The following MNAT1 variants were observed in gnomAD, a reference collection of about 807,000 sequenced individuals.
MNAT1 encodes MNAT1 component of CDK activating kinase, also known as CDK-activating kinase assembly factor MAT1.
A neutral mutation model predicts 42.0 loss-of-function variants in MNAT1; 43 were observed. The observed-to-expected ratio is 1.02, with a 90% CI of 0.80 to 1.32. The LOEUF is 1.32. MNAT1 is among the 40% of genes most tolerant of loss of function. The pLI is 0.00. For synonymous variants in MNAT1, 118 were observed against 120.0 expected (o/e 0.98, Z 0.11); for missense variants, 306 against 350.4 (o/e 0.87, Z 1.01).
chr14:60,839,492 G>T (rs770787400), intron 6 of MNAT1, among the ~76,000 whole-genome samples: 1 of 152,152 alleles, frequency 6.6e-6, no homozygotes, highest in Non-Finnish European at 1.5e-5. Flanking sequence ...CTAGATGTGG[G>T]ATAAAAACTC....
intron 7 of MNAT1, among the ~76,000 whole-genome samples, chr14:60,883,775 A>T (rs1594831082): frequency 1.3e-5 from 2 of 152,062 alleles, no homozygotes; most frequent in South Asian, 4.1e-4. Flanking sequence ...TATAGTTTTC[A>T]TAGTAGAGAT....
At chr14:60,855,316 G>A (rs990877429) in intron 6 of MNAT1, among the ~76,000 whole-genome samples, 2 of 152,010 alleles carry the variant, frequency 1.3e-5, no homozygotes, top group Non-Finnish European at 2.9e-5. Context: ...TTCCAGGGGA[G>A]TGAATGGTTC....
At chr14:60,828,910 T>C (rs2033139498) in intron 6 of MNAT1, among the ~76,000 whole-genome samples, 1 of 151,940 alleles carries the variant, frequency 6.6e-6, no homozygotes, top group Admixed American at 6.6e-5. Context: ...TAGGGCAAGG[T>C]ATGTGGGAAG....
At chr14:60,766,487 G>C (rs2030827398) in intron 1 of MNAT1, among the ~76,000 whole-genome samples, 1 of 152,214 alleles carries the variant, frequency 6.6e-6, no homozygotes, top group African/African-American at 2.4e-5. Context: ...GCCAAGGCCG[G>C]TGGATCATGA....
In MNAT1 at chr14:60,968,755, T is replaced by A; in HGVS notation, c.*406T>A. 3.6e-6 allele frequency: 1 copy of A among 279,974 alleles called. No individual in the cohort carries two copies. Among genetic ancestry groups the A allele is most frequent in the Non-Finnish European group, 6.8e-6 (1 of 146,596 alleles). The allele number at this position is 279,974 out of a possible 1,614,324, so 17.3% of individuals were successfully genotyped here. On this transcript the variant is annotated 3_prime_UTR_variant, in exon 8 of 8. Transcript: ENST00000261245. ...ATACCATTTTGATTACAACATTTAC[T>A]GTTAATATCCAAGTCTATTATTTCT...
At chr14:60,965,630 C>T (rs1248047842) in intron 7 of MNAT1, among the ~76,000 whole-genome samples, 1 of 152,196 alleles carries the variant, frequency 6.6e-6, no homozygotes, top group Non-Finnish European at 1.5e-5. Flanking sequence ...CAGTTAGTTG[C>T]ACAGTGGTTT....
chr14:60,850,781 G>A (rs997249189), intron 6 of MNAT1, among the ~76,000 whole-genome samples: 6 of 152,078 alleles, frequency 3.9e-5, no homozygotes, highest in Non-Finnish European at 8.8e-5. Context: ...ACCAAGAACA[G>A]CAACAAAGTA....
intron 7 of MNAT1, among the ~76,000 whole-genome samples, chr14:60,916,833 G>C (rs942693445): frequency 3.3e-5 from 5 of 151,974 alleles, no homozygotes; most frequent in Non-Finnish European, 7.4e-5. Flanking sequence ...CATGCCAGTA[G>C]TCCCAACTAG....
chr14:60,861,164 T>G (rs991093937), intron 6 of MNAT1, among the ~76,000 whole-genome samples: 2 of 152,200 alleles, frequency 1.3e-5, no homozygotes. Context: ...CATGCTAATT[T>G]ATATCTATTT....
intron 1 of MNAT1, among the ~76,000 whole-genome samples, chr14:60,739,106 T>C (rs956757658): frequency 3.9e-5 from 6 of 152,112 alleles, no homozygotes; most frequent in Admixed American, 1.3e-4. Context: ...CCCCATGGAC[T>C]CTTCCATAGG....
chr14:60,750,619 G>A (rs1413421201), intron 1 of MNAT1, among the ~76,000 whole-genome samples: 1 of 151,006 alleles, frequency 6.6e-6, no homozygotes, highest in African/African-American at 2.4e-5. Context: ...TGTGAAAGTG[G>A]GCTTTATTGT....
At chr14:60,742,797 A>G (rs1896511472) in intron 1 of MNAT1, among the ~76,000 whole-genome samples, 1 of 152,312 alleles carries the variant, frequency 6.6e-6, no homozygotes, top group Middle Eastern at 3.4e-3. Flanking sequence ...AATATTTTCT[A>G]GGTTCATCCA....
chr14:60,901,013 C>CAAAA lies in MNAT1; in HGVS notation c.809+21205_809+21208dup, dbSNP rs56345746. 6.8e-4 allele frequency among the ~76,000 whole-genome samples: 25 copies of CAAAA among 36,578 alleles called. 1 individual carries two copies. The highest frequency in any genetic ancestry group is 3.4e-3 in the East Asian group (3 of 870). 24.0% of individuals were successfully genotyped at this position (36,578 alleles called of 152,430 possible). On this transcript the variant is annotated intron_variant, in intron 7 of 7. Coordinates refer to ENST00000261245, the MANE Select transcript of MNAT1 (RefSeq NM_002431.4). ...GATGTGATACAGTGAGAGCCTGTCT[C>CAAAA]AAAAAAAAAAAAAAAAAAAAAAAAA...
At chr14:60,748,525 G>A (rs1326330149) in intron 1 of MNAT1, among the ~76,000 whole-genome samples, 5 of 152,136 alleles carry the variant, frequency 3.3e-5, no homozygotes, top group African/African-American at 4.8e-5. Context: ...GCCACTACAC[G>A]TGGCCCTATT....
intron 3 of MNAT1, among the ~76,000 whole-genome samples, chr14:60,800,115 T>A (rs2032154803): frequency 6.6e-6 from 1 of 152,134 alleles, no homozygotes; most frequent in Non-Finnish European, 1.5e-5. Flanking sequence ...TTGTACTTGT[T>A]ATTGTAGTTA....
chr14:60,937,953 G>A (rs938360411), intron 7 of MNAT1, among the ~76,000 whole-genome samples: 1 of 152,146 alleles, frequency 6.6e-6, no homozygotes, highest in South Asian at 2.1e-4. Flanking sequence ...CACATCCCTT[G>A]TAGGTTGGAT....
At chr14:60,942,964 T>A (rs1434017590) in intron 7 of MNAT1, among the ~76,000 whole-genome samples, 1 of 151,678 alleles carries the variant, frequency 6.6e-6, no homozygotes, top group Non-Finnish European at 1.5e-5. Flanking sequence ...GTCATTTGAC[T>A]TTCCACAAGT....
At chr14:60,823,875 A>G (rs777020322) in intron 6 of MNAT1, among the ~76,000 whole-genome samples, 1 of 142,466 alleles carries the variant, frequency 7.0e-6, no homozygotes, top group Non-Finnish European at 1.5e-5. Flanking sequence ...AAACATAAAC[A>G]AGGCTGGGCG....
At chr14:60,914,646 G>A (rs1340940261) in intron 7 of MNAT1, among the ~76,000 whole-genome samples, 1 of 152,038 alleles carries the variant, frequency 6.6e-6, no homozygotes, top group Admixed American at 6.6e-5. Context: ...TGTGTTGTAG[G>A]TAGCTTCTGT....
Sources: gnomAD v4.1 joint callset for allele counts (sites outside exome capture counted in the v4.1 genomes callset) on GRCh38, gnomAD v4.1.1 for gene constraint, MANE v1.5 for transcripts, NCBI Gene and HGNC (gene_info 2026-07-23, HGNC 2026-07-21) for gene names.